C10orf90: variants seen among roughly 807,000 people sequenced by gnomAD.
C10orf90 encodes the protein chromosome 10 open reading frame 90.
A neutral mutation model predicts 62.5 loss-of-function variants in C10orf90; 56 were observed. The ratio of observed to expected loss-of-function variants is 0.90; its 90% CI spans 0.72 to 1.12. The LOEUF is 1.12. C10orf90 is among the 50% of genes most tolerant of loss of function. C10orf90 has a pLI of 0.00. For missense variants in C10orf90, 970 were observed against 880.4 expected, an observed-to-expected ratio of 1.10 and a Z score of -1.29; for synonymous variants, 386 against 340.4, an observed-to-expected ratio of 1.13 and a Z score of -1.47.
chr10:126,599,073 T>C (rs1259759902), intron 2 of C10orf90, among the ~76,000 whole-genome samples: 2 of 152,292 alleles, frequency 1.3e-5, no homozygotes, highest in East Asian at 1.9e-4. Context: ...TCAGCCCGTC[T>C]GACATTTCCC....
At chr10:126,513,095 G>A (rs1440041596) in intron 3 of C10orf90, among the ~76,000 whole-genome samples, 1 of 152,228 alleles carries the variant, frequency 6.6e-6, no homozygotes, top group East Asian at 1.9e-4. Flanking sequence ...GATAGCAGAT[G>A]CCTTGTAAAC....
At chr10:126,499,887 G>T (rs192985115) in intron 4 of C10orf90, among the ~76,000 whole-genome samples, 25 of 152,288 alleles carry the variant, frequency 1.6e-4, no homozygotes, top group Admixed American at 1.6e-3. Context: ...GGATATCTCA[G>T]AAATGGTAAA....
At position 126,426,004 on chromosome 10, in the gene C10orf90, T is replaced by A. The variant is rs1306977375; in HGVS notation, c.2339A>T (p.Glu780Val). ...VILQSNRLRA[E>V]VFKKQLLDQL... is the part of the protein sequence containing the mutation. ...CGAGGCCATTACCTTTTTGAAGACTTCGGCACGGAGTCTGTTACTTTGTAA... is the reference window on the plus strand; with the variant it reads ...CGAGGCCATTACCTTTTTGAAGACTACGGCACGGAGTCTGTTACTTTGTAA... The change falls in exon 9 of 10, where the codon GAA (glutamate) becomes GTA (valine). Residue 780 changes from glutamate to valine, a missense_variant. Physicochemically the swap from Glu to Val is moderately radical, Grantham distance 121. Coordinates refer to ENST00000488181, the MANE Select transcript of C10orf90 (RefSeq NM_001350921.2). The A allele has an allele frequency of 1.2e-6, 2 of 1,614,170 alleles. No individual in the cohort carries two copies. The highest frequency in any genetic ancestry group is 3.3e-5 in the Admixed American group (2 of 60,022).
At chr10:126,607,498 T>C (rs1043291282) in intron 2 of C10orf90, among the ~76,000 whole-genome samples, 26 of 152,368 alleles carry the variant, frequency 1.7e-4, no homozygotes, top group African/African-American at 6.0e-4. Context: ...GGAAAACAAC[T>C]GATAATATGG....
At chr10:126,481,600 A>C (rs950451716) in intron 4 of C10orf90, among the ~76,000 whole-genome samples, 1 of 152,086 alleles carries the variant, frequency 6.6e-6, no homozygotes, top group African/African-American at 2.4e-5. Flanking sequence ...CTGTGTCAGG[A>C]GGTTGTTGGA....
At chr10:126,587,659 G>A (rs2134024204) in intron 2 of C10orf90, among the ~76,000 whole-genome samples, 1 of 152,350 alleles carries the variant, frequency 6.6e-6, no homozygotes. Flanking sequence ...CCATAGCAAT[G>A]CTCTGCTAGA....
In C10orf90 at chr10:126,641,606, T is replaced by A. The variant is rs796697949; in HGVS notation, c.313+4959A>T. Among the ~76,000 whole-genome samples the A allele has an allele frequency of 1.1e-4, 16 of 152,164 alleles. 1 individual carries two copies. The highest frequency in any genetic ancestry group is 3.6e-4 in the African/African-American group (15 of 41,530). On this transcript the variant is annotated intron_variant, in intron 2 of 9. Transcript: ENST00000488181. ...GAAATGGCTGAACTAGACACCTGAC[T>A]TCCAATCGCCCTCAATCCATAGACC...
chr10:126,570,158 A>G (rs1024922260), intron 2 of C10orf90, among the ~76,000 whole-genome samples: 1 of 152,206 alleles, frequency 6.6e-6, no homozygotes, highest in Non-Finnish European at 1.5e-5. Context: ...CCCCTGGTTT[A>G]TGCTGCACTA....
At chr10:126,536,620 A>G (rs1464338981) in intron 2 of C10orf90, among the ~76,000 whole-genome samples, 1 of 152,210 alleles carries the variant, frequency 6.6e-6, no homozygotes, top group Non-Finnish European at 1.5e-5. Context: ...AGGAAAGGAA[A>G]GGTTTTAGCT....
intron 2 of C10orf90, among the ~76,000 whole-genome samples, chr10:126,569,911 A>AAAAAG (rs146138997): frequency 0.039 from 5,888 of 152,192 alleles, 149 homozygotes; most frequent in Non-Finnish European, 0.055. Context: ...TTCAAGCTTA[A>AAAAAG]AAAAGAAAAG....
At chr10:126,596,383 A>AC (rs1458495346) in intron 2 of C10orf90, among the ~76,000 whole-genome samples, 1 of 145,848 alleles carries the variant, frequency 6.9e-6, no homozygotes, top group Admixed American at 7.0e-5. Flanking sequence ...ATTTAAAAAA[A>AC]AAAAACAACA....
intron 2 of C10orf90, among the ~76,000 whole-genome samples, chr10:126,535,267 C>T (rs532715357): frequency 1.3e-5 from 2 of 151,924 alleles, no homozygotes; most frequent in South Asian, 4.2e-4. Flanking sequence ...CCTGTAATCC[C>T]AGCACTTTGG....
chr10:126,487,892 G>A (rs920133434), intron 4 of C10orf90, among the ~76,000 whole-genome samples: 2 of 152,148 alleles, frequency 1.3e-5, no homozygotes, highest in African/African-American at 4.8e-5. Flanking sequence ...TCTGTTTGAG[G>A]GGATGATGAG....
intron 2 of C10orf90, among the ~76,000 whole-genome samples, chr10:126,598,565 G>T (rs1016151423): frequency 6.6e-6 from 1 of 152,114 alleles, no homozygotes; most frequent in African/African-American, 2.4e-5. Context: ...TCAGCTTGTG[G>T]TCTCTTCAGC....
chr10:126,427,889 A>G (rs141575952), intron 8 of C10orf90, among the ~76,000 whole-genome samples: 146 of 152,274 alleles, frequency 9.6e-4, no homozygotes, highest in African/African-American at 3.2e-3. Context: ...TCCCTTTTAT[A>G]TACATATATC....
At position 126,554,737 on chromosome 10, in the gene C10orf90, A is replaced by AT. The variant is rs146925760; in HGVS notation, c.314-40799dup. ...TTTTTAAAGCTAAAAACGACTTCTG[A>AT]TTTTTTCTTCTGTCTCAGAAAATGT... On this transcript the variant is annotated intron_variant, in intron 2 of 9. Coordinates refer to ENST00000488181, the MANE Select transcript of C10orf90 (RefSeq NM_001350921.2). Among the ~76,000 whole-genome samples the AT allele has an allele frequency of 4.7e-3, 709 of 152,266 alleles. 5 individuals are homozygous for AT. The highest frequency in any genetic ancestry group is 0.017 in the African/African-American group (688 of 41,542).
intron 2 of C10orf90, among the ~76,000 whole-genome samples, chr10:126,553,720 G>A (rs999355299): frequency 2.6e-5 from 4 of 152,088 alleles, no homozygotes; most frequent in African/African-American, 4.8e-5. Flanking sequence ...ATACCATCTA[G>A]GTTTCTGTAC....
At chr10:126,442,968 A>G (rs1431501317) in intron 7 of C10orf90, among the ~76,000 whole-genome samples, 7 of 152,046 alleles carry the variant, frequency 4.6e-5, no homozygotes, top group Non-Finnish European at 8.8e-5. Context: ...CTAAATTACA[A>G]TAGTGACATA....
At chr10:126,520,828 C>A (rs1863705958) in intron 2 of C10orf90, 1 of 153,636 alleles carries the variant, frequency 6.5e-6, no homozygotes, top group Non-Finnish European at 1.4e-5. Flanking sequence ...CCTCTCTAAT[C>A]TCTGCCTCCA....
Sources: allele counts gnomAD v4.1 joint callset (sites outside exome capture counted in the v4.1 genomes callset), GRCh38; gene constraint gnomAD v4.1.1; transcripts MANE v1.5; gene names NCBI Gene and HGNC (gene_info 2026-07-23, HGNC 2026-07-21).